Variants in RECQL observed in about 807,000 individuals in gnomAD.
RECQL encodes RecQ like helicase, also known as ATP-dependent DNA helicase Q1.
A neutral mutation model predicts 75.8 loss-of-function variants in RECQL; 73 were observed. The observed-to-expected ratio is 0.96, with a 90% CI of 0.80 to 1.17. The LOEUF (loss-of-function observed/expected upper bound fraction) is 1.17, where lower values mean the gene tolerates loss of function less well. Ranked by LOEUF, RECQL falls within the 50% of genes most tolerant of loss-of-function variation. RECQL has a pLI of 0.00. For synonymous variants in RECQL, 248 were observed against 254.4 expected (o/e 0.97, Z 0.24); for missense variants, 699 against 772.1 (o/e 0.91, Z 1.12).
rs761986363 is a variant in RECQL at position 21,475,534 on chromosome 12, T to G, written c.1150A>C (p.Arg384=). The G allele has an allele frequency of 1.9e-6, 3 of 1,612,816 alleles. No homozygotes were observed. The highest frequency in any genetic ancestry group is 2.2e-5 in the South Asian group (2 of 90,958). ...CTCATTGAATGATGGATAACAAACC[T>G]CACATCTGGCTTATCAATTCCCATA... is the stretch of plus-strand genomic sequence containing the variant. ...FGMGIDKPDV[R]FVIHHSMSKS... Residue 384 remains arginine (R), a synonymous_variant, in exon 10 of 15, where the codon AGG becomes CGG. Transcript: ENST00000444129.
chr12:21,494,154 C>T (rs1353435947), intron 2 of RECQL, among the ~76,000 whole-genome samples: 2 of 152,074 alleles, frequency 1.3e-5, no homozygotes, highest in African/African-American at 4.8e-5. Flanking sequence ...GAGGCAGTGC[C>T]AGGCTCCTTG....
Position 21,470,169 on chromosome 12 carries a change from A to G in RECQL, c.*25T>C, listed in dbSNP as rs1305914608. The G allele has an allele frequency of 1.2e-6, 2 of 1,609,064 alleles. No individual in the cohort carries two copies. Among genetic ancestry groups the G allele is most frequent in the Non-Finnish European group, 1.7e-6 (2 of 1,177,542 alleles). ...CATATACATGCATAAACCATCTTTA[A>G]TTAGAAAATTTAGTAACATTCATAT... On this transcript the variant is annotated 3_prime_UTR_variant, in exon 15 of 15. Coordinates refer to ENST00000444129, the MANE Select transcript of RECQL (RefSeq NM_002907.4).
At chr12:21,471,158 T>C in intron 13 of RECQL, 60 bp from the exon 14 acceptor site, 1 of 1,471,886 alleles carries the variant, frequency 6.8e-7, no homozygotes. Context: ...AAAACAAATT[T>C]ATAAAAGAAA....
chr12:21,482,667 CAG>C (rs1161827692), intron 6 of RECQL, among the ~76,000 whole-genome samples: 2 of 152,126 alleles, frequency 1.3e-5, no homozygotes, highest in Non-Finnish European at 1.5e-5. Context: ...GGACGGGAAA[CAG>C]AGTGATTGCT....
Position 21,487,701 on chromosome 12 carries a change from G to A in RECQL, c.395-1116C>T, listed in dbSNP as rs547005543. Among the ~76,000 whole-genome samples the A allele has an allele frequency of 6.6e-5, 10 of 152,174 alleles. No homozygotes were observed. The East Asian group carries it at 1.9e-3, about 29-fold the overall frequency. On this transcript the variant is annotated intron_variant, in intron 4 of 14. Transcript: ENST00000444129. ...TCTCATCTTGGAAAACACCCACTATGGTCTGAAAGTTGGTATCCCCACAGA... is the reference window on the plus strand; with the variant it reads ...TCTCATCTTGGAAAACACCCACTATAGTCTGAAAGTTGGTATCCCCACAGA...
chr12:21,470,347 C>T lies in RECQL; in HGVS notation c.1798-1G>A, dbSNP rs1275496741. 15 of 1,023,998 alleles carry T rather than the reference C, an allele frequency of 1.5e-5. No individual in the cohort carries two copies. Among genetic ancestry groups the T allele is most frequent in the South Asian group, 3.4e-5 (1 of 29,462 alleles). 63.4% of individuals were successfully genotyped at this position (1,023,998 alleles called of 1,614,324 possible). A position where few individuals can be genotyped will look rare whatever the true frequency, so the allele number is the denominator to read the frequency against. On this transcript the variant is annotated splice_acceptor_variant, in intron 14 of 14. Coordinates refer to ENST00000444129, the MANE Select transcript of RECQL (RefSeq NM_002907.4). LOFTEE classifies it high-confidence loss of function. ...AATGACAAGTTTGAGACGATTCAGC[C>T]TACAAAAAAAAAAAAAAAACAAAGC...
rs564941365 is a variant in RECQL, at chr12:21,491,280, C to T, written c.214+239G>A. ...TAAAGGAAGTATCTCATTTTCTAAA[C>T]ATGATCAATGTTGCTGTAACAATAA... On this transcript the variant is annotated intron_variant, in intron 3 of 14. Transcript: ENST00000444129. Among the ~76,000 whole-genome samples, 8 of 152,082 alleles carry T rather than the reference C, an allele frequency of 5.3e-5. 1 individual carries two copies. Among genetic ancestry groups the T allele is most frequent in the African/African-American group, 1.9e-4 (8 of 41,500 alleles).
chr12:21,480,457 C>A (rs186249168), intron 6 of RECQL, among the ~76,000 whole-genome samples: 1 of 152,212 alleles, frequency 6.6e-6, no homozygotes, highest in Non-Finnish European at 1.5e-5. Context: ...GCAGAGCTGA[C>A]AACACTTAGT....
intron 4 of RECQL, among the ~76,000 whole-genome samples, chr12:21,487,651 T>C (rs1300285103): frequency 6.6e-6 from 1 of 152,176 alleles, no homozygotes; most frequent in African/African-American, 2.4e-5. Context: ...CACCTACTCA[T>C]TACATTTAAA....
Position 21,486,464 on chromosome 12 carries a change from G to C in RECQL, c.501+15C>G, listed in dbSNP as rs373601640. 5 of 1,497,034 alleles carry C rather than the reference G, an allele frequency of 3.3e-6. No individual in the cohort carries two copies. The highest frequency in any genetic ancestry group is 1.9e-4 in the Middle Eastern group (1 of 5,310). 92.7% of individuals were successfully genotyped at this position (1,497,034 alleles called of 1,614,324 possible). A position where few individuals can be genotyped will look rare whatever the true frequency, so the allele number is the denominator to read the frequency against. On this transcript the variant is annotated intron_variant, in intron 5 of 14. Coordinates refer to ENST00000444129, the MANE Select transcript of RECQL (RefSeq NM_002907.4). Reference sequence around the variant, plus strand: ...AATAGTTTACATTAAAAAAAAAAAAGCCACTGAAACATACCTTAGAACTAG... The same window carrying C: ...AATAGTTTACATTAAAAAAAAAAAACCCACTGAAACATACCTTAGAACTAG...
Position 21,483,406 on chromosome 12 carries a change from A to G in RECQL, c.670T>C (p.Cys224Arg). ...CTGAAATCATGTCCCCACTGACTACAGCAGTGAACTTCATCCACAGCAATT... is the reference window on the plus strand; with the variant it reads ...CTGAAATCATGTCCCCACTGACTACGGCAGTGAACTTCATCCACAGCAATT... ...TRIAVDEVHC[C>R]SQWGHDFRPD... The change falls in exon 6 of 15, where the codon TGT (cysteine) becomes CGT (arginine). Residue 224 changes from cysteine (C) to arginine (R), a missense_variant. By Grantham distance (180) the Cys-to-Arg change is radical. Transcript: ENST00000444129. 6.2e-7 allele frequency: 1 copy of G among 1,605,072 alleles called. No homozygotes were observed.
In RECQL at chr12:21,478,003, C is replaced by G. The variant is rs577965371; in HGVS notation, c.701-34G>C. ...ACAAACAAAGTGGCCCTTTTTCTAT[C>G]CTTTAAGAGTTAGAGTAAATTATAT... On this transcript the variant is annotated intron_variant, in intron 6 of 14. Coordinates refer to ENST00000444129, the MANE Select transcript of RECQL (RefSeq NM_002907.4). The G allele has an allele frequency of 3.2e-6, 5 of 1,565,720 alleles. No homozygotes were observed. In the African/African-American group the frequency reaches 5.5e-5, roughly 17 times the overall value.
intron 12 of RECQL, 71 bp downstream of exon 12, chr12:21,473,480 C>T (rs1943023014): frequency 1.7e-6 from 2 of 1,165,934 alleles, no homozygotes; most frequent in African/African-American, 3.1e-5. Context: ...ATGCATTTCT[C>T]AGAACGTATC....
chr12:21,488,135 T>A (rs1056413525), intron 4 of RECQL, among the ~76,000 whole-genome samples: 6 of 152,310 alleles, frequency 3.9e-5, no homozygotes, highest in Admixed American at 6.5e-5. Context: ...ACCATTTCAA[T>A]AAAATTGCTC....
intron 3 of RECQL, among the ~76,000 whole-genome samples, 184 bp from the exon 4 acceptor site, chr12:21,490,562 A>G (rs1943391278): frequency 6.6e-6 from 1 of 152,238 alleles, no homozygotes; most frequent in Non-Finnish European, 1.5e-5. Context: ...ATTATAAGAC[A>G]TAGTAGGCAT....
chr12:21,475,006 C>A (rs764432350), intron 10 of RECQL, 27 bp from the exon 11 acceptor site: 2 of 1,599,938 alleles, frequency 1.3e-6, no homozygotes, highest in Non-Finnish European at 1.7e-6. Context: ...CTTGAGATTG[C>A]AGAATTACAT....
chr12:21,485,826 A>G (rs1223278730), intron 5 of RECQL, among the ~76,000 whole-genome samples: 1 of 152,180 alleles, frequency 6.6e-6, no homozygotes, highest in Non-Finnish European at 1.5e-5. Context: ...GGCAGTTTTT[A>G]TGCTATTCTC....
At chr12:21,494,539 T>A (rs1014543147) in intron 2 of RECQL, among the ~76,000 whole-genome samples, 1 of 152,052 alleles carries the variant, frequency 6.6e-6, no homozygotes, top group Non-Finnish European at 1.5e-5. Flanking sequence ...GCCTCAAAGA[T>A]GAATGTCAGA....
At chr12:21,473,967 C>CCT (rs1489232645) in intron 11 of RECQL, among the ~76,000 whole-genome samples, 1 of 152,034 alleles carries the variant, frequency 6.6e-6, no homozygotes, top group Non-Finnish European at 1.5e-5. Flanking sequence ...TGTGAGGTAA[C>CCT]ATACAGGTTA....
Sources: gnomAD v4.1 joint callset for allele counts (sites outside exome capture counted in the v4.1 genomes callset) on GRCh38, gnomAD v4.1.1 for gene constraint, MANE v1.5 for transcripts, NCBI Gene and HGNC (gene_info 2026-07-23, HGNC 2026-07-21) for gene names.